ADAMTS19: variants seen among roughly 807,000 people sequenced by gnomAD.
ADAMTS19 encodes the protein A disintegrin and metalloproteinase with thrombospondin motifs 19.
In ADAMTS19, 93 loss-of-function variants were observed where a neutral mutation model predicts 153.3. The observed-to-expected ratio is 0.61, with a 90% CI of 0.51 to 0.72. The LOEUF (loss-of-function observed/expected upper bound fraction) is 0.72. Among genes scored for constraint, ADAMTS19 ranks in the 30% least tolerant of loss-of-function variants. The probability of loss-of-function intolerance (pLI) is 0.00; values close to 1 mark genes in which losing one functional copy is unlikely to be tolerated. For synonymous variants in ADAMTS19, 600 were observed against 556.6 expected (o/e 1.08, Z -1.10); for missense variants, 1,482 against 1,552.1 (o/e 0.95, Z 0.76).
At chr5:129,729,907 G>A (rs1431683826) in intron 21 of ADAMTS19, among the ~76,000 whole-genome samples, 1 of 152,046 alleles carries the variant, frequency 6.6e-6, no homozygotes, top group Non-Finnish European at 1.5e-5. Context: ...GGGCCTCTTT[G>A]AAATATCGAG....
intron 6 of ADAMTS19, among the ~76,000 whole-genome samples, chr5:129,551,645 C>G (rs1193690863): frequency 6.6e-6 from 1 of 151,636 alleles, no homozygotes; most frequent in African/African-American, 2.4e-5. Flanking sequence ...CATATGGGAA[C>G]TGTCTAATGT....
Position 129,714,425 on chromosome 5 carries a change from C to CAAAAA in ADAMTS19, c.3312+10048_3312+10052dup, listed in dbSNP as rs397949658. 2.4e-3 allele frequency among the ~76,000 whole-genome samples: 238 copies of CAAAAA among 98,152 alleles called. 2 individuals are homozygous for CAAAAA. The highest frequency in any genetic ancestry group is 0.013 in the Middle Eastern group (2 of 156). 64.4% of individuals were successfully genotyped at this position (98,152 alleles called of 152,430 possible). On this transcript the variant is annotated intron_variant, in intron 21 of 22. Transcript: ENST00000274487. ...TGGGCGACAGAGCGAGACTCCGTCT[C>CAAAAA]AAAAAAAAAAAAAAAAAAGAAAAAT...
intron 8 of ADAMTS19, among the ~76,000 whole-genome samples, chr5:129,612,510 G>A (rs1233342613): frequency 6.6e-6 from 1 of 152,026 alleles, no homozygotes; most frequent in Non-Finnish European, 1.5e-5. Context: ...GTCACCACCA[G>A]GCCTTCCTAC....
chr5:129,586,176 A>C (rs1749788086), intron 7 of ADAMTS19, among the ~76,000 whole-genome samples: 1 of 152,186 alleles, frequency 6.6e-6, no homozygotes, highest in East Asian at 1.9e-4. Flanking sequence ...ACATTCACAC[A>C]TTACTATCAC....
chr5:129,645,787 C>T (rs2127034328), intron 11 of ADAMTS19, among the ~76,000 whole-genome samples: 1 of 151,554 alleles, frequency 6.6e-6, no homozygotes, highest in Non-Finnish European at 1.5e-5. Context: ...ACAACTTTCA[C>T]ATTGAATTTT....
At chr5:129,624,195 A>G (rs542003160) in intron 10 of ADAMTS19, among the ~76,000 whole-genome samples, 1 of 149,364 alleles carries the variant, frequency 6.7e-6, no homozygotes, top group African/African-American at 2.5e-5. Context: ...TGGTGTTGCT[A>G]TGTAATTGTG....
intron 6 of ADAMTS19, among the ~76,000 whole-genome samples, chr5:129,541,244 C>T (rs1752644243): frequency 6.6e-6 from 1 of 150,484 alleles, no homozygotes; most frequent in South Asian, 2.1e-4. Flanking sequence ...ACGTGGTGGA[C>T]TGTAAATGCC....
At position 129,576,425 on chromosome 5, in the gene ADAMTS19, G is replaced by A. The variant is rs145927269; in HGVS notation, c.1373-20134G>A. On this transcript the variant is annotated intron_variant, in intron 7 of 22. Coordinates refer to ENST00000274487, the MANE Select transcript of ADAMTS19 (RefSeq NM_133638.6). ...AATTTTGTCTCCATACACGGAGCAG[G>A]GCAAAAAATTATACTAAATTAGGCA... Among the ~76,000 whole-genome samples the A allele has an allele frequency of 2.8e-3, 419 of 151,856 alleles. 1 individual carries two copies. Among genetic ancestry groups the A allele is most frequent in the African/African-American group, 9.0e-3 (373 of 41,440 alleles).
At chr5:129,636,097 G>A (rs1168191858) in intron 10 of ADAMTS19, among the ~76,000 whole-genome samples, 8 of 152,026 alleles carry the variant, frequency 5.3e-5, no homozygotes, top group Non-Finnish European at 8.8e-5. Flanking sequence ...AGGTATTACC[G>A]TGTTAGCTAG....
chr5:129,646,803 C>T (rs2127037220), intron 11 of ADAMTS19, among the ~76,000 whole-genome samples: 1 of 152,250 alleles, frequency 6.6e-6, no homozygotes, highest in South Asian at 2.1e-4. Flanking sequence ...TCAACTTACT[C>T]AACCTCATCG....
chr5:129,524,387 T>C (rs377452632), intron 3 of ADAMTS19, among the ~76,000 whole-genome samples: 1 of 152,082 alleles, frequency 6.6e-6, no homozygotes, highest in Non-Finnish European at 1.5e-5. Flanking sequence ...ATTCAGGACA[T>C]AGGCATGGGC....
intron 21 of ADAMTS19, among the ~76,000 whole-genome samples, chr5:129,730,115 T>A (rs1757372922): frequency 6.6e-6 from 1 of 152,144 alleles, no homozygotes; most frequent in Admixed American, 6.6e-5. Context: ...AATACTTTTC[T>A]AAGCATGTCT....
At chr5:129,642,005 A>G (rs746436635) in intron 11 of ADAMTS19, 45 bp downstream of exon 11, 1 of 1,248,194 alleles carries the variant, frequency 8.0e-7, no homozygotes, top group Non-Finnish European at 1.1e-6. Flanking sequence ...TACTAGATGA[A>G]ACTTGAGAAT....
At chr5:129,637,853 A>C (rs2127014309) in intron 10 of ADAMTS19, among the ~76,000 whole-genome samples, 1 of 152,248 alleles carries the variant, frequency 6.6e-6, no homozygotes, top group South Asian at 2.1e-4. Context: ...TGTCTCCAAA[A>C]CAACAAGAAC....
At chr5:129,619,217 A>G (rs1239585863) in intron 8 of ADAMTS19, among the ~76,000 whole-genome samples, 2 of 152,054 alleles carry the variant, frequency 1.3e-5, no homozygotes, top group African/African-American at 4.8e-5. Flanking sequence ...TAGACGCCCA[A>G]TGTGGAATGG....
intron 18 of ADAMTS19, chr5:129,687,961 G>A (rs1039475247): frequency 2.0e-5 from 3 of 152,178 alleles, no homozygotes; most frequent in African/African-American, 7.2e-5. Context: ...ATTTGTGCTT[G>A]AATAGATCTC....
intron 21 of ADAMTS19, among the ~76,000 whole-genome samples, chr5:129,727,419 A>G (rs1325946943): frequency 6.6e-6 from 1 of 152,196 alleles, no homozygotes; most frequent in African/African-American, 2.4e-5. Context: ...TAAAAATGCA[A>G]TAAAAAAGCT....
rs1465687106 is a variant in ADAMTS19, at chr5:129,543,019, TTG to T, written c.1329-8843_1329-8842del. Among the ~76,000 whole-genome samples, 206 of 150,490 alleles carry T rather than the reference TTG, an allele frequency of 1.4e-3. 2 individuals carry two copies. Among genetic ancestry groups the T allele is most frequent in the African/African-American group, 4.9e-3 (202 of 41,076 alleles). On this transcript the variant is annotated intron_variant, in intron 6 of 22. Transcript: ENST00000274487. ...AGAATGGATTAACTAGTTTTTGTTG[TTG>T]TTTTTTTTTGTTGTTGTTGTTGTTT...
chr5:129,607,222 C>T (rs1055179314), intron 8 of ADAMTS19, among the ~76,000 whole-genome samples: 301 of 152,212 alleles, frequency 2.0e-3, no homozygotes, highest in African/African-American at 6.9e-3. Context: ...CAGCCTGTTT[C>T]CACTTTTAAG....
Sources: gnomAD v4.1 joint callset for allele counts (sites outside exome capture counted in the v4.1 genomes callset) on GRCh38, gnomAD v4.1.1 for gene constraint, MANE v1.5 for transcripts, NCBI Gene and HGNC (gene_info 2026-07-23, HGNC 2026-07-21) for gene names.